KCNH5: variants seen among roughly 807,000 people sequenced by gnomAD.
The protein encoded by KCNH5 is voltage-gated delayed rectifier potassium channel KCNH5.
In KCNH5, 46 loss-of-function variants were observed where a neutral mutation model predicts 96.1. The ratio of observed to expected loss-of-function variants is 0.48; its 90% CI spans 0.38 to 0.61. The LOEUF (loss-of-function observed/expected upper bound fraction) is 0.61, where lower values mean the gene tolerates loss of function less well. Ranked by LOEUF, KCNH5 falls within the 20% of genes least tolerant of loss-of-function variation. The pLI, the probability that KCNH5 is intolerant of heterozygous loss-of-function variation, is 0.00. For missense variants in KCNH5, 907 were observed against 1,225.8 expected, an observed-to-expected ratio of 0.74 and a Z score of 3.88; for synonymous variants, 439 against 449.8, an observed-to-expected ratio of 0.98 and a Z score of 0.30.
rs575771762 is a variant in KCNH5 at position 62,865,720 on chromosome 14, C to T, written c.1370-15868G>A. Among the ~76,000 whole-genome samples the T allele has an allele frequency of 3.9e-5, 6 of 152,218 alleles. No homozygotes were observed. In the East Asian group the frequency reaches 1.2e-3, roughly 29 times the overall value. ...CCCTTCAGTTGTGTACTTTTGACTG[C>T]CCTACATAAAGTGCAAATGTATTGA... On this transcript the variant is annotated intron_variant, in intron 7 of 10. Transcript: ENST00000322893.
rs1046468318 is a variant in KCNH5, at chr14:62,706,228, G to C, written c.*1280C>G. 2.0e-5 allele frequency: 3 copies of C among 151,964 alleles called. No individual in the cohort carries two copies. Among genetic ancestry groups the C allele is most frequent in the Non-Finnish European group, 4.4e-5 (3 of 67,926 alleles). The allele number at this position is 151,964 out of a possible 1,614,324, so 9.4% of individuals were successfully genotyped here. ...CTTTAGTATCCCCCTTTCACAAATG[G>C]ACCTGCCTGAGCCACAATAGCTTAT... On this transcript the variant is annotated 3_prime_UTR_variant, in exon 11 of 11. Coordinates refer to ENST00000322893, the MANE Select transcript of KCNH5 (RefSeq NM_139318.5).
chr14:62,859,489 T>C (rs996546960), intron 7 of KCNH5, among the ~76,000 whole-genome samples: 2 of 152,174 alleles, frequency 1.3e-5, no homozygotes, highest in Non-Finnish European at 2.9e-5. Context: ...TGGTGAGCAC[T>C]CACATGAGCT....
intron 9 of KCNH5, among the ~76,000 whole-genome samples, chr14:62,788,574 A>G (rs535344630): frequency 6.6e-6 from 1 of 152,286 alleles, no homozygotes; most frequent in East Asian, 1.9e-4. Flanking sequence ...TCAGCATCAC[A>G]TGCTATAGGA....
At chr14:62,775,833 T>C (rs924341269) in intron 10 of KCNH5, among the ~76,000 whole-genome samples, 3 of 152,212 alleles carry the variant, frequency 2.0e-5, no homozygotes, top group African/African-American at 7.2e-5. Flanking sequence ...TGAAATACAA[T>C]CTTCCTCATT....
At chr14:62,747,159 A>C (rs563327076) in intron 10 of KCNH5, among the ~76,000 whole-genome samples, 1 of 152,150 alleles carries the variant, frequency 6.6e-6, no homozygotes, top group African/African-American at 2.4e-5. Context: ...CATGGTGAAG[A>C]CCCATCTCTA....
intron 7 of KCNH5, among the ~76,000 whole-genome samples, chr14:62,865,472 G>A (rs1317947638): frequency 1.3e-5 from 2 of 152,198 alleles, no homozygotes; most frequent in African/African-American, 4.8e-5. Context: ...ATCTGGAATC[G>A]CACAGGTATA....
At chr14:62,947,468 C>G (rs1048239580) in intron 7 of KCNH5, among the ~76,000 whole-genome samples, 1 of 152,126 alleles carries the variant, frequency 6.6e-6, no homozygotes, top group Non-Finnish European at 1.5e-5. Context: ...CTCTAACCAG[C>G]AAATAGAGCC....
intron 8 of KCNH5, among the ~76,000 whole-genome samples, chr14:62,809,369 G>T (rs987838210): frequency 6.6e-6 from 1 of 152,056 alleles, no homozygotes; most frequent in Non-Finnish European, 1.5e-5. Flanking sequence ...TTCCTTTAAG[G>T]AATCAAACTT....
intron 7 of KCNH5, among the ~76,000 whole-genome samples, chr14:62,934,136 C>CA (rs1889631918): frequency 7.1e-6 from 1 of 141,446 alleles, no homozygotes; most frequent in Non-Finnish European, 1.5e-5. Flanking sequence ...TTCTTTCTTT[C>CA]TTTTTTTTTT....
At chr14:62,934,080 C>T (rs559150321) in intron 7 of KCNH5, among the ~76,000 whole-genome samples, 1 of 152,150 alleles carries the variant, frequency 6.6e-6, no homozygotes, top group South Asian at 2.1e-4. Flanking sequence ...CTGAAATCTC[C>T]CTGTGAGTAA....
At chr14:63,025,660 A>G (rs764925111) in intron 1 of KCNH5, among the ~76,000 whole-genome samples, 3 of 151,966 alleles carry the variant, frequency 2.0e-5, no homozygotes, top group Non-Finnish European at 4.4e-5. Flanking sequence ...TTAACCAAGA[A>G]GGTGAAAGAT....
chr14:62,887,810 A>T (rs1888628353), intron 7 of KCNH5, among the ~76,000 whole-genome samples: 1 of 152,172 alleles, frequency 6.6e-6, no homozygotes, highest in East Asian at 1.9e-4. Context: ...TAAGAAAAAA[A>T]AAAGGTGTTC....
chr14:63,025,230 T>G (rs1176304692), intron 1 of KCNH5, among the ~76,000 whole-genome samples: 2 of 152,070 alleles, frequency 1.3e-5, no homozygotes, highest in Non-Finnish European at 1.5e-5. Context: ...AGAAGTAATG[T>G]ACCTCAACAC....
chr14:62,938,955 A>G (rs1344813575), intron 7 of KCNH5, among the ~76,000 whole-genome samples: 1 of 152,238 alleles, frequency 6.6e-6, no homozygotes, highest in Non-Finnish European at 1.5e-5. Flanking sequence ...TGATTTAGAA[A>G]AACATATTGG....
chr14:63,018,992 A>C (rs1466480661), intron 1 of KCNH5, among the ~76,000 whole-genome samples: 1 of 152,094 alleles, frequency 6.6e-6, no homozygotes, highest in Non-Finnish European at 1.5e-5. Context: ...GAACAATTTG[A>C]AAACACATCA....
chr14:63,021,765 A>G (rs1185831479), intron 1 of KCNH5, among the ~76,000 whole-genome samples: 1 of 152,006 alleles, frequency 6.6e-6, no homozygotes, highest in Non-Finnish European at 1.5e-5. Flanking sequence ...CTCATTTCAT[A>G]ACAATTCAGA....
intron 7 of KCNH5, among the ~76,000 whole-genome samples, chr14:62,865,188 G>A (rs1412976309): frequency 1.3e-5 from 2 of 152,124 alleles, no homozygotes; most frequent in African/African-American, 4.8e-5. Context: ...TGAGTTGGCA[G>A]GGCTTGATGT....
At chr14:62,997,505 A>G (rs182807925) in intron 4 of KCNH5, among the ~76,000 whole-genome samples, 4 of 152,238 alleles carry the variant, frequency 2.6e-5, no homozygotes, top group Admixed American at 2.6e-4. Flanking sequence ...ACATTTTTAT[A>G]TGGTAGATTA....
chr14:62,857,647 C>T (rs1293880360), intron 7 of KCNH5, among the ~76,000 whole-genome samples: 1 of 152,110 alleles, frequency 6.6e-6, no homozygotes, highest in African/African-American at 2.4e-5. Context: ...GGCTGGGAGG[C>T]TAGGCCAGTC....
Sources: allele counts gnomAD v4.1 joint callset (sites outside exome capture counted in the v4.1 genomes callset), GRCh38; gene constraint gnomAD v4.1.1; transcripts MANE v1.5; gene names NCBI Gene and HGNC (gene_info 2026-07-23, HGNC 2026-07-21).